Variants in CMPK2 observed in about 807,000 individuals in gnomAD.
CMPK2 encodes UMP-CMP kinase 2, mitochondrial.
Under a neutral mutation model 33.4 loss-of-function variants are expected in CMPK2, and 32 were observed. The observed-to-expected ratio is 0.96, with a 90% CI of 0.72 to 1.29. The LOEUF (loss-of-function observed/expected upper bound fraction) is 1.29. CMPK2 is among the 50% of genes most tolerant of loss of function. CMPK2 has a pLI of 0.00. For missense variants in CMPK2, 672 were observed against 616.0 expected, an observed-to-expected ratio of 1.09 and a Z score of -0.96; for synonymous variants, 299 against 275.3, an observed-to-expected ratio of 1.09 and a Z score of -0.85.
chr2:6,854,590 T>A (rs915863240), intron 3 of CMPK2, among the ~76,000 whole-genome samples: 2 of 152,208 alleles, frequency 1.3e-5, no homozygotes, highest in African/African-American at 4.8e-5. Flanking sequence ...AGTTCTCCCA[T>A]TGAAAATACG....
chr2:6,865,298 C>A lies in CMPK2; in HGVS notation c.399G>T (p.Leu133=). ...QAGGAQQGFL[L]RDPLDDPDTR... is the part of the protein sequence containing the mutation. ...TGTCAGGGTCATCCAGGGGGTCGCG[C>A]AGCAGGAAGCCTTGCTGTGCGCCGC... Residue 133 remains leucine, a synonymous_variant, in exon 1 of 5, where the codon CTG becomes CTT. Coordinates refer to ENST00000256722, the MANE Select transcript of CMPK2 (RefSeq NM_207315.4). 6.6e-7 allele frequency: 1 copy of A among 1,525,202 alleles called. No homozygotes were observed. The highest frequency in any genetic ancestry group is 8.7e-7 in the Non-Finnish European group (1 of 1,144,396). 94.5% of individuals were successfully genotyped at this position (1,525,202 alleles called of 1,614,324 possible).
downstream of CMPK2, among the ~76,000 whole-genome samples, chr2:6,844,025 A>G (rs974714197): frequency 2.0e-5 from 3 of 152,136 alleles, no homozygotes; most frequent in Non-Finnish European, 4.4e-5. Flanking sequence ...AGCAACCTAT[A>G]TCTCCAGGGA....
chr2:6,864,232 C>G (rs968073405), intron 1 of CMPK2: 2 of 152,216 alleles, frequency 1.3e-5, no homozygotes, highest in African/African-American at 2.4e-5. Flanking sequence ...TTATTCCCAC[C>G]ATATGAATTA....
chr2:6,849,591 A>T lies in CMPK2; in HGVS notation c.*259T>A. ...GTGATTAAGTGAAACATATGTTCCA[A>T]GAAAATGTTTACTATGCCAGGAAGA... On this transcript the variant is annotated 3_prime_UTR_variant, in exon 5 of 5. Coordinates refer to ENST00000256722, the MANE Select transcript of CMPK2 (RefSeq NM_207315.4). The T allele has an allele frequency of 8.0e-7, 1 of 1,244,934 alleles. No homozygotes were observed. Among genetic ancestry groups the T allele is most frequent in the East Asian group, 4.5e-5 (1 of 22,282 alleles). 77.1% of individuals were successfully genotyped at this position (1,244,934 alleles called of 1,614,324 possible).
chr2:6,861,420 C>T (rs1281532798), intron 2 of CMPK2, 35 bp from the exon 3 acceptor site: 2 of 1,537,236 alleles, frequency 1.3e-6, no homozygotes, highest in Non-Finnish European at 1.8e-6. Flanking sequence ...ACATCTTAAC[C>T]ACAGCCCCAA....
intron 3 of CMPK2, among the ~76,000 whole-genome samples, 194 bp from the exon 4 acceptor site, chr2:6,851,877 C>T (rs1036462606): frequency 6.6e-6 from 1 of 152,176 alleles, no homozygotes; most frequent in African/African-American, 2.4e-5. Flanking sequence ...AAATTGACAA[C>T]AGTAATAATG....
chr2:6,844,935 T>C (rs1252730620), downstream of CMPK2, among the ~76,000 whole-genome samples: 2 of 152,204 alleles, frequency 1.3e-5, no homozygotes, highest in African/African-American at 2.4e-5. Context: ...GATTTGGCTA[T>C]TGGGAGCCCT....
At chr2:6,851,090 C>T in intron 4 of CMPK2, 1 of 1,098,562 alleles carries the variant, frequency 9.1e-7, no homozygotes, top group Non-Finnish European at 1.1e-6. Context: ...CGGGAAGCAT[C>T]TAATAGGTAG....
intron 3 of CMPK2, chr2:6,840,776 C>A: frequency 1.5e-6 from 1 of 671,992 alleles, no homozygotes; most frequent in Non-Finnish European, 2.7e-6. Flanking sequence ...ATTCTGATAA[C>A]TGTTTTAATT....
At chr2:6,856,428 G>A (rs1662706367) in intron 3 of CMPK2, among the ~76,000 whole-genome samples, 1 of 152,198 alleles carries the variant, frequency 6.6e-6, no homozygotes, top group African/African-American at 2.4e-5. Context: ...TGTAGGGGCT[G>A]TGGCAGGCTC....
rs898140834 is a variant in CMPK2, at chr2:6,865,365, T to A, written c.332A>T (p.Gln111Leu). ...GCAGTAGCAGAGCAGCCTGAGCAGC[T>A]GGCACCGCTGGAAGGGGCCGCGGCG... ...QLRRGPFQRC[Q>L]LLRLLCYCPG... The change falls in exon 1 of 5, where the codon CAG becomes CTG. Residue 111 changes from glutamine (Q) to leucine (L), a missense_variant. Transcript: ENST00000256722. 2 of 1,417,084 alleles carry A rather than the reference T, an allele frequency of 1.4e-6. No individual in the cohort carries two copies. The highest frequency in any genetic ancestry group is 1.5e-5 in the African/African-American group (1 of 66,808). 87.8% of individuals were successfully genotyped at this position (1,417,084 alleles called of 1,614,324 possible). A position where few individuals can be genotyped will look rare whatever the true frequency, so the allele number is the denominator to read the frequency against.
At chr2:6,863,319 C>A in intron 2 of CMPK2, 145 bp downstream of exon 2, 2 of 646,588 alleles carry the variant, frequency 3.1e-6, no homozygotes, top group East Asian at 2.7e-5. Context: ...CTCTGCATCC[C>A]AGGGCCTGCC....
chr2:6,865,620 G>A lies in CMPK2; in HGVS notation c.77C>T (p.Ala26Val). ...LLGRRGVCAG[A>V]MAPPRRFVLE... The stretch of plus-strand genomic sequence containing the variant: ...GACGAAGCGGCGCGGCGGAGCCATG[G>A]CCCCAGCGCAGACCCCGCGCCGCCC... The change falls in exon 1 of 5, where the codon GCC (alanine) becomes GTC (valine). Residue 26 changes from alanine (A) to valine (V), a missense_variant. By Grantham distance (64) the Ala-to-Val change is moderately conservative. Coordinates refer to ENST00000256722, the MANE Select transcript of CMPK2 (RefSeq NM_207315.4). 3 of 1,376,308 alleles carry A rather than the reference G, an allele frequency of 2.2e-6. No individual in the cohort carries two copies. The highest frequency in any genetic ancestry group is 2.8e-6 in the Non-Finnish European group (3 of 1,065,744). 85.3% of individuals were successfully genotyped at this position (1,376,308 alleles called of 1,614,324 possible).
In CMPK2 at chr2:6,848,495, C is replaced by T; in HGVS notation, c.*1355G>A. The T allele has an allele frequency of 1.0e-6, 1 of 973,578 alleles. No individual in the cohort carries two copies. The highest frequency in any genetic ancestry group is 1.2e-6 in the Non-Finnish European group (1 of 819,110). The allele number at this position is 973,578 out of a possible 1,614,324, so 60.3% of individuals were successfully genotyped here. ...AATGCTATTTATCAGCTTTAAAATA[C>T]TTTCAACTGAAATCAATTACATTTT... On this transcript the variant is annotated 3_prime_UTR_variant, in exon 5 of 5. Transcript: ENST00000256722.
chr2:6,856,281 A>G (rs1003953487), intron 3 of CMPK2, among the ~76,000 whole-genome samples: 2 of 152,248 alleles, frequency 1.3e-5, no homozygotes, highest in African/African-American at 4.8e-5. Flanking sequence ...GGTGCAAATA[A>G]AACTCCATAC....
chr2:6,859,443 A>G (rs1386311274), intron 3 of CMPK2, among the ~76,000 whole-genome samples: 1 of 152,164 alleles, frequency 6.6e-6, no homozygotes, highest in Non-Finnish European at 1.5e-5. Flanking sequence ...CCCGAGGTTT[A>G]GAAGGAAAAA....
At chr2:6,855,806 C>A (rs917534019) in intron 3 of CMPK2, among the ~76,000 whole-genome samples, 1 of 152,200 alleles carries the variant, frequency 6.6e-6, no homozygotes, top group Non-Finnish European at 1.5e-5. Flanking sequence ...CCACCACACA[C>A]TTTATTCTCC....
Position 6,865,532 on chromosome 2 carries a change from T to G in CMPK2, c.165A>C (p.Ala55=). 4.6e-6 allele frequency: 6 copies of G among 1,297,236 alleles called. No individual in the cohort carries two copies. The highest frequency in any genetic ancestry group is 5.8e-6 in the Non-Finnish European group (6 of 1,028,106). 80.4% of individuals were successfully genotyped at this position (1,297,236 alleles called of 1,614,324 possible). The change falls in exon 1 of 5, where the codon GCA becomes GCC. Residue 55 remains alanine, a synonymous_variant. Coordinates refer to ENST00000256722, the MANE Select transcript of CMPK2 (RefSeq NM_207315.4). ...FALGADAPGD[A]DAPDPRLAAL... Reference sequence around the variant, plus strand: ...CCGCCAGGCGGGGGTCGGGGGCGTCTGCGTCGCCGGGGGCGTCGGCGCCTA... The same window carrying G: ...CCGCCAGGCGGGGGTCGGGGGCGTCGGCGTCGCCGGGGGCGTCGGCGCCTA...
intron 3 of CMPK2, 110 bp from the exon 4 acceptor site, chr2:6,851,793 T>C (rs1662534663): frequency 6.1e-6 from 5 of 813,230 alleles, no homozygotes; most frequent in Admixed American, 5.6e-5. Flanking sequence ...CAGAAGTTTT[T>C]CTAGTATTGC....
Sources: gnomAD v4.1 joint callset for allele counts (sites outside exome capture counted in the v4.1 genomes callset) on GRCh38, gnomAD v4.1.1 for gene constraint, MANE v1.5 for transcripts, NCBI Gene and HGNC (gene_info 2026-07-23, HGNC 2026-07-21) for gene names.